DLEC1: variants seen among roughly 807,000 people sequenced by gnomAD.
DLEC1 encodes deleted in lung and esophageal cancer protein 1.
Under a neutral mutation model 198.1 loss-of-function variants are expected in DLEC1, and 146 were observed. The ratio of observed to expected loss-of-function variants is 0.74; its 90% CI spans 0.64 to 0.85. DLEC1 has a LOEUF of 0.85. DLEC1 is among the 40% of genes least tolerant of loss of function. The pLI, the probability that DLEC1 is intolerant of heterozygous loss-of-function variation, is 0.00. For missense variants in DLEC1, 2,233 were observed against 2,220.0 expected, an observed-to-expected ratio of 1.01 and a Z score of -0.12; for synonymous variants, 897 against 866.8, an observed-to-expected ratio of 1.03 and a Z score of -0.61.
In DLEC1 at chr3:38,121,640, C is replaced by T. The variant is rs377372584; in HGVS notation, c.4879C>T (p.Arg1627Trp). 3.2e-5 allele frequency: 52 copies of T among 1,613,378 alleles called. No homozygotes were observed. Among genetic ancestry groups the T allele is most frequent in the African/African-American group, 2.8e-4 (21 of 74,884 alleles). ...TGGTCTCCCACAGGTGGTGCCCCTG[C>T]GGGCTGTGGTGGCCGTGCCTGAGCT... Reference protein sequence around the residue: ...TNQTTQVVPLRAVVAVPELQL... With the variant: ...TNQTTQVVPLWAVVAVPELQL... Residue 1627 changes from arginine (R) to tryptophan (W), a missense_variant, in exon 35 of 37, where the codon CGG (arginine) becomes TGG (tryptophan). Arg to Trp is a moderately radical substitution (Grantham distance 101). Coordinates refer to ENST00000308059, the MANE Select transcript of DLEC1 (RefSeq NM_007335.4).
rs765710557 is a variant in DLEC1 at position 38,123,280 on chromosome 3, C to G, written c.*868C>G. The G allele has an allele frequency of 7.6e-6, 5 of 660,722 alleles. No homozygotes were observed. The highest frequency in any genetic ancestry group is 1.4e-5 in the Non-Finnish European group (5 of 370,114). The allele number at this position is 660,722 out of a possible 1,614,324, so 40.9% of individuals were successfully genotyped here. A position where few individuals can be genotyped will look rare whatever the true frequency, so the allele number is the denominator to read the frequency against. Reference sequence around the variant, plus strand: ...CTGGCCTCCCACTTGGGCACACACACGGTGACAGATGCCCACTGCAGGCTA... The same window carrying G: ...CTGGCCTCCCACTTGGGCACACACAGGGTGACAGATGCCCACTGCAGGCTA... On this transcript the variant is annotated 3_prime_UTR_variant, in exon 37 of 37. Coordinates refer to ENST00000308059, the MANE Select transcript of DLEC1 (RefSeq NM_007335.4).
chr3:38,064,007 C>CTTTTTTTTTTTTTTT (rs71094947), intron 6 of DLEC1, 88 bp downstream of exon 6: 23 of 451,088 alleles, frequency 5.1e-5, no homozygotes, highest in African/African-American at 2.2e-4. Context: ...TTTTTTTTTT[C>CTTTTTTTTTTTTTTT]TTTTTTTTTT....
At chr3:38,111,465 C>T (rs1699873208) in intron 23 of DLEC1, among the ~76,000 whole-genome samples, 1 of 152,110 alleles carries the variant, frequency 6.6e-6, no homozygotes, top group African/African-American at 2.4e-5. Context: ...TGGCCCGCAG[C>T]TGGGGATGTT....
In DLEC1 at chr3:38,096,707, C is replaced by T. The variant is rs988728858; in HGVS notation, c.2310C>T (p.Tyr770=). The change falls in exon 15 of 37, where the codon TAC becomes TAT. Residue 770 remains tyrosine, a synonymous_variant. Transcript: ENST00000308059. The part of the protein sequence containing the change: ...PYALIIPGEN[Y]IGINVKKAFK... ...CCCTCATCATCCCAGGGGAGAACTA[C>T]ATTGGGATAAATGTGAAGAAGGCTT... is the stretch of plus-strand genomic sequence containing the variant. The T allele has an allele frequency of 5.6e-6, 9 of 1,611,700 alleles. No individual in the cohort carries two copies. Among genetic ancestry groups the T allele is most frequent in the Non-Finnish European group, 7.6e-6 (9 of 1,179,386 alleles).
At chr3:38,084,702 G>T (rs1250208643) in intron 7 of DLEC1, among the ~76,000 whole-genome samples, 3 of 151,112 alleles carry the variant, frequency 2.0e-5, no homozygotes, top group Admixed American at 2.0e-4. Context: ...TCTACAGCCT[G>T]GGCCTGGACT....
chr3:38,123,180 C>G lies in DLEC1; in HGVS notation c.*768C>G, dbSNP rs1575254748. The stretch of plus-strand genomic sequence containing the variant: ...GGCACCCACCAAATTACCTCCAGAC[C>G]AGGCTGACCCAGAAGGACGTCATGG... On this transcript the variant is annotated 3_prime_UTR_variant, in exon 37 of 37. Transcript: ENST00000308059. 1 of 1,530,140 alleles carries G rather than the reference C, an allele frequency of 6.5e-7. No homozygotes were observed. Among genetic ancestry groups the G allele is most frequent in the East Asian group, 2.2e-5 (1 of 44,464 alleles). 94.8% of individuals were successfully genotyped at this position (1,530,140 alleles called of 1,614,324 possible).
Position 38,093,728 on chromosome 3 carries a change from G to T in DLEC1, c.1880G>T (p.Arg627Leu). The T allele has an allele frequency of 6.2e-7, 1 of 1,614,152 alleles. No individual in the cohort carries two copies. The highest frequency in any genetic ancestry group is 8.5e-7 in the Non-Finnish European group (1 of 1,180,034). ...HFIRFEPENL[R>L]STARKQLIIR... ...ATACGATTTGAGCCTGAAAACCTTC[G>T]GTCCACGGCTAGGAAGCAGCTGATT... is the stretch of plus-strand genomic sequence containing the variant. Residue 627 changes from arginine to leucine, a missense_variant, in exon 12 of 37, where the codon CGG becomes CTG. Transcript: ENST00000308059.
intron 22 of DLEC1, chr3:38,109,783 G>A (rs540423521): frequency 7.9e-5 from 66 of 832,900 alleles, no homozygotes; most frequent in South Asian, 2.4e-4. Context: ...ACTTGGAGGC[G>A]TGGTGCCCTG....
intron 2 of DLEC1, chr3:38,051,626 G>A (rs1430661606): frequency 2.7e-5 from 6 of 222,270 alleles, no homozygotes; most frequent in East Asian, 1.1e-4. Flanking sequence ...AGACAAGGAC[G>A]GTGGAGTCGT....
At chr3:38,106,755 CA>C (rs4019982) in intron 19 of DLEC1, among the ~76,000 whole-genome samples, 1,136 of 38,984 alleles carry the variant, frequency 0.029, 1 homozygote, top group African/African-American at 0.054. Flanking sequence ...GACTCTATCT[CA>C]AAAAAAAAAA....
intron 7 of DLEC1, among the ~76,000 whole-genome samples, 168 bp downstream of exon 7, chr3:38,084,413 A>G (rs377109608): frequency 0.026 from 59 of 2,302 alleles, 3 homozygotes; most frequent in Non-Finnish European, 0.042. Context: ...TGGTGGTGGT[A>G]GTAGTAGTGG....
intron 19 of DLEC1, among the ~76,000 whole-genome samples, chr3:38,106,110 A>G (rs984066985): frequency 6.6e-6 from 1 of 152,170 alleles, no homozygotes; most frequent in African/African-American, 2.4e-5. Flanking sequence ...TACAAATTAC[A>G]TATTTATACA....
chr3:38,111,895 T>C, intron 24 of DLEC1, 148 bp downstream of exon 24: 1 of 922,994 alleles, frequency 1.1e-6, no homozygotes, highest in South Asian at 1.7e-5. Flanking sequence ...ACAATGCCTC[T>C]TCCTGTTGAG....
Position 38,080,367 on chromosome 3 carries a change from A to G in DLEC1, c.1174-3791A>G, listed in dbSNP as rs1252849507. On this transcript the variant is annotated intron_variant, in intron 6 of 36. Transcript: ENST00000308059. ...GGGTCTGTAGAAAAGGAAGATTAGA[A>G]AGACTCAATGATGCTTGGGGTTGGG... 3.3e-5 allele frequency among the ~76,000 whole-genome samples: 5 copies of G among 152,086 alleles called. No individual in the cohort carries two copies. In the East Asian group the frequency reaches 9.6e-4, roughly 29 times the overall value.
intron 11 of DLEC1, 109 bp downstream of exon 11, chr3:38,092,989 A>G (rs368389138): frequency 5.9e-6 from 6 of 1,015,308 alleles, no homozygotes; most frequent in Non-Finnish European, 9.2e-6. Flanking sequence ...TGTGTGTGTC[A>G]GGAGCGCACA....
At chr3:38,110,430 G>C in intron 23 of DLEC1, 149 bp downstream of exon 23, 1 of 1,020,414 alleles carries the variant, frequency 9.8e-7, no homozygotes, top group South Asian at 1.6e-5. Flanking sequence ...GACAGGCAGA[G>C]AGGAAATGGC....
In DLEC1 at chr3:38,121,620, T is replaced by C; in HGVS notation, c.4867-8T>C. 6.2e-7 allele frequency: 1 copy of C among 1,611,996 alleles called. No homozygotes were observed. ...CCAGAATGGACAAGGTTGCCTGGTC[T>C]CCCACAGGTGGTGCCCCTGCGGGCT... On this transcript the variant is annotated splice_polypyrimidine_tract_variant and splice_region_variant and intron_variant, in intron 34 of 36. Coordinates refer to ENST00000308059, the MANE Select transcript of DLEC1 (RefSeq NM_007335.4).
intron 1 of DLEC1, among the ~76,000 whole-genome samples, chr3:38,041,570 C>T (rs1383050330): frequency 6.6e-6 from 1 of 151,894 alleles, no homozygotes; most frequent in Admixed American, 6.6e-5. Flanking sequence ...ACTATGCGGC[C>T]GGGCGTGGTG....
chr3:38,043,180 C>T (rs1232226101), intron 1 of DLEC1, among the ~76,000 whole-genome samples: 2 of 152,262 alleles, frequency 1.3e-5, no homozygotes, highest in East Asian at 3.9e-4. Flanking sequence ...ATCTATAGGA[C>T]CTTGGGTGAT....
Sources: gnomAD v4.1 joint callset for allele counts (sites outside exome capture counted in the v4.1 genomes callset) on GRCh38, gnomAD v4.1.1 for gene constraint, MANE v1.5 for transcripts, NCBI Gene and HGNC (gene_info 2026-07-23, HGNC 2026-07-21) for gene names.